The following HTR2C variants were observed in gnomAD, a reference collection of about 807,000 sequenced individuals.
HTR2C encodes the protein 5-hydroxytryptamine (serotonin) receptor 2C, G protein-coupled.
A neutral mutation model predicts 21.0 loss-of-function variants in HTR2C; 5 were observed. That is an observed-to-expected ratio of 0.24 (90% confidence interval 0.12 to 0.50). The LOEUF (loss-of-function observed/expected upper bound fraction) is 0.50, where lower values mean the gene tolerates loss of function less well. Ranked by LOEUF, HTR2C falls within the 20% of genes least tolerant of loss-of-function variation. The probability of loss-of-function intolerance (pLI) is 0.98; values close to 1 mark genes in which losing one functional copy is unlikely to be tolerated. For missense variants in HTR2C, 271 were observed against 371.2 expected, an observed-to-expected ratio of 0.73 and a Z score of 2.22; for synonymous variants, 150 against 145.3, an observed-to-expected ratio of 1.03 and a Z score of -0.23.
At chrX:114,609,114 C>T (rs1349108364) in intron 1 of HTR2C, among the ~76,000 whole-genome samples, 1 of 111,476 alleles carries the variant, frequency 9.0e-6, no homozygotes, top group Non-Finnish European at 1.9e-5. Flanking sequence ...TTAGTAGGAA[C>T]TTTGGTTGGT....
At chrX:114,700,115 G>A (rs1453506211) in intron 2 of HTR2C, among the ~76,000 whole-genome samples, 2 of 111,802 alleles carry the variant, frequency 1.8e-5, no homozygotes, top group Non-Finnish European at 3.8e-5. Flanking sequence ...CATAATTAGT[G>A]TAATGAAGCA....
chrX:114,825,481 CGTT>C (rs1270714106), intron 4 of HTR2C, among the ~76,000 whole-genome samples: 1 of 111,882 alleles, frequency 8.9e-6, no homozygotes, highest in Non-Finnish European at 1.9e-5. Context: ...AGACAACACA[CGTT>C]GTTTGATTGC....
chrX:114,725,619 A>G (rs1214681381), intron 2 of HTR2C, among the ~76,000 whole-genome samples: 18 of 110,144 alleles, frequency 1.6e-4, no homozygotes, highest in Non-Finnish European at 2.1e-4. Context: ...CAGTTTTTCT[A>G]CTCTGTTTTT....
At chrX:114,904,380 T>A (rs782381828) in intron 5 of HTR2C, among the ~76,000 whole-genome samples, 16 of 111,728 alleles carry the variant, frequency 1.4e-4, no homozygotes, top group Non-Finnish European at 2.6e-4. Flanking sequence ...CCGTATTATT[T>A]TGAAATAACT....
chrX:114,586,010 A>C (rs1357615273), intron 1 of HTR2C, among the ~76,000 whole-genome samples: 1 of 111,489 alleles, frequency 9.0e-6, no homozygotes, highest in East Asian at 2.8e-4. Flanking sequence ...TAATGAAAAA[A>C]GATATCTGGG....
At position 114,907,293 on chromosome X, in the gene HTR2C, A is replaced by T; in HGVS notation, c.1255A>T (p.Thr419Ser). 8.3e-7 allele frequency: 1 copy of T among 1,210,655 alleles called. No individual in the cohort carries two copies. Among genetic ancestry groups the T allele is most frequent in the Non-Finnish European group, 1.1e-6 (1 of 894,620 alleles). ...GCTTAATGTTAACATTTATCGGCAT[A>T]CCAATGAACCGGTGATCGAGAAAGC... ...RELNVNIYRH[T>S]NEPVIEKASD... Residue 419 changes from threonine (T) to serine (S), a missense_variant, in exon 6 of 6, where the codon ACC becomes TCC. By Grantham distance (58) the Thr-to-Ser change is moderately conservative. Around this residue, in one of 5 missense-constraint regions of HTR2C, gnomAD observed 192 missense variants for 247.2 expected, o/e 0.78. Coordinates refer to ENST00000276198, the MANE Select transcript of HTR2C (RefSeq NM_000868.4).
intron 4 of HTR2C, among the ~76,000 whole-genome samples, chrX:114,814,634 T>C (rs2070564289): frequency 9.3e-6 from 1 of 107,458 alleles, no homozygotes; most frequent in African/African-American, 3.4e-5. Flanking sequence ...GAAACATAAA[T>C]TGTCCTGATC....
At chrX:114,851,505 A>AT (rs1220452107) in intron 5 of HTR2C, among the ~76,000 whole-genome samples, 1 of 111,280 alleles carries the variant, frequency 9.0e-6, no homozygotes, top group Non-Finnish European at 1.9e-5. Flanking sequence ...TACAATGATA[A>AT]TTTTTCTCAT....
chrX:114,847,372 G>A (rs2070881692), intron 4 of HTR2C, among the ~76,000 whole-genome samples: 1 of 91,855 alleles, frequency 1.1e-5, no homozygotes, highest in African/African-American at 4.1e-5. Context: ...TCACTCATAG[G>A]TGGGAATTGA....
chrX:114,799,016 A>C (rs2070321857), intron 4 of HTR2C, among the ~76,000 whole-genome samples: 2 of 110,102 alleles, frequency 1.8e-5, no homozygotes, highest in Non-Finnish European at 3.8e-5. Flanking sequence ...GAACCATAAC[A>C]CATGATTCCT....
At chrX:114,748,389 G>GT (rs782738015) in intron 4 of HTR2C, among the ~76,000 whole-genome samples, 4 of 111,354 alleles carry the variant, frequency 3.6e-5, no homozygotes, top group African/African-American at 1.3e-4. Flanking sequence ...CTCTCAGCAG[G>GT]TTTTTTTAAT....
At chrX:114,853,911 T>G (rs2070938826) in intron 5 of HTR2C, among the ~76,000 whole-genome samples, 1 of 111,706 alleles carries the variant, frequency 9.0e-6, no homozygotes. Flanking sequence ...AATTTATAAT[T>G]TAATTTAAGA....
intron 1 of HTR2C, among the ~76,000 whole-genome samples, chrX:114,593,664 G>C (rs983560872): frequency 1.7e-4 from 14 of 84,398 alleles, no homozygotes; most frequent in Admixed American, 5.7e-4. Context: ...CTGTGGGAAA[G>C]GTATTTATAG....
Position 114,770,803 on chromosome X carries a change from CT to C in HTR2C, c.349+39212del, listed in dbSNP as rs377420309. On this transcript the variant is annotated intron_variant, in intron 4 of 5. Coordinates refer to ENST00000276198, the MANE Select transcript of HTR2C (RefSeq NM_000868.4). Reference sequence around the variant, plus strand: ...TCTTTTCTCTTTTCTTTCTTTCTTCCTTTTTTTTTTTTTTTTGAGGTAGGGT... The same window carrying C: ...TCTTTTCTCTTTTCTTTCTTTCTTCCTTTTTTTTTTTTTTTGAGGTAGGGT... Among the ~76,000 whole-genome samples, 97 of 80,694 alleles carry C rather than the reference CT, an allele frequency of 1.2e-3. 1 individual carries two copies. Among genetic ancestry groups the C allele is most frequent in the African/African-American group, 3.3e-3 (70 of 20,912 alleles). 70.1% of individuals were successfully genotyped at this position (80,694 alleles called of 115,157 possible).
intron 5 of HTR2C, among the ~76,000 whole-genome samples, chrX:114,863,470 C>T (rs1365969834): frequency 1.8e-5 from 2 of 111,377 alleles, no homozygotes; most frequent in East Asian, 2.8e-4. Context: ...ATTGATTTCT[C>T]GTTTCGTGTT....
chrX:114,595,125 G>C (rs781805499), intron 1 of HTR2C, among the ~76,000 whole-genome samples: 2 of 111,710 alleles, frequency 1.8e-5, no homozygotes, highest in South Asian at 7.4e-4. Context: ...ATGAGAAAAC[G>C]AAGGGTAAGA....
intron 4 of HTR2C, among the ~76,000 whole-genome samples, chrX:114,785,969 A>G (rs2070170741): frequency 1.8e-5 from 2 of 112,505 alleles, no homozygotes; most frequent in Non-Finnish European, 3.8e-5. Context: ...CATATAAAAA[A>G]CATTGATAAA....
chrX:114,795,082 A>G (rs1225183103), intron 4 of HTR2C, among the ~76,000 whole-genome samples: 18 of 109,532 alleles, frequency 1.6e-4, no homozygotes, highest in Middle Eastern at 4.3e-3. Context: ...ACTGGTGTGA[A>G]ATGGTATCTC....
chrX:114,804,477 T>C (rs1276077020), intron 4 of HTR2C, among the ~76,000 whole-genome samples: 1 of 112,121 alleles, frequency 8.9e-6, no homozygotes, highest in East Asian at 2.8e-4. Flanking sequence ...GCCAAGAGAC[T>C]TTAAAGTGAT....
Sources: gnomAD v4.1 joint callset for allele counts (sites outside exome capture counted in the v4.1 genomes callset) on GRCh38, gnomAD v4.1.1 for gene constraint, gnomAD v4.1.1 regional missense constraint, MANE v1.5 for transcripts, NCBI Gene and HGNC (gene_info 2026-07-23, HGNC 2026-07-21) for gene names.